KDM4B: variants seen among roughly 807,000 people sequenced by gnomAD.
KDM4B encodes the protein lysine-specific demethylase 4B.
A neutral mutation model predicts 125.2 loss-of-function variants in KDM4B; 32 were observed. The observed-to-expected ratio is 0.26, with a 90% CI of 0.19 to 0.34. The LOEUF is 0.34. Among genes scored for constraint, KDM4B ranks in the 10% least tolerant of loss-of-function variants. The probability of loss-of-function intolerance (pLI) is 1.00; values close to 1 mark genes in which losing one functional copy is unlikely to be tolerated. For synonymous variants in KDM4B, 721 were observed against 677.9 expected, an observed-to-expected ratio of 1.06 and a Z score of -0.99; for missense variants, 1,190 against 1,577.7, an observed-to-expected ratio of 0.75 and a Z score of 4.16.
chr19:5,126,760 G>A (rs1006032994), intron 11 of KDM4B, among the ~76,000 whole-genome samples: 5 of 152,256 alleles, frequency 3.3e-5, no homozygotes, highest in Admixed American at 2.6e-4. Flanking sequence ...CCGGCTGCGG[G>A]TTCAGCACGG....
At chr19:4,976,596 G>A (rs112220911) in intron 1 of KDM4B, among the ~76,000 whole-genome samples, 6,125 of 152,312 alleles carry the variant, frequency 0.04, 192 homozygotes, top group Non-Finnish European at 0.066. Context: ...TGTAAGCATC[G>A]GAACTCTCCT....
At chr19:5,015,134 CA>C (rs1402372978) in intron 1 of KDM4B, among the ~76,000 whole-genome samples, 2 of 152,170 alleles carry the variant, frequency 1.3e-5, no homozygotes, top group Admixed American at 1.3e-4. Context: ...AAGCAGAGGG[CA>C]GCCTGAGCTG....
intron 1 of KDM4B, among the ~76,000 whole-genome samples, chr19:4,987,485 G>C (rs1319463603): frequency 6.6e-6 from 1 of 152,258 alleles, no homozygotes; most frequent in East Asian, 1.9e-4. Flanking sequence ...GGCCGGAGGG[G>C]GGTTATCTCG....
At chr19:5,084,183 G>T (rs1439874306) in intron 9 of KDM4B, among the ~76,000 whole-genome samples, 1 of 151,420 alleles carries the variant, frequency 6.6e-6, no homozygotes, top group Non-Finnish European at 1.5e-5. Flanking sequence ...GGAGGTGGAG[G>T]TTGCAGTGAG....
intron 9 of KDM4B, among the ~76,000 whole-genome samples, chr19:5,088,687 G>T: frequency 7.7e-6 from 1 of 130,486 alleles, no homozygotes; most frequent in Admixed American, 9.8e-5. Flanking sequence ...CAAAAGAGCA[G>T]GTTGTGGTTA....
intron 9 of KDM4B, among the ~76,000 whole-genome samples, chr19:5,100,074 C>T (rs554330056): frequency 6.6e-6 from 1 of 152,342 alleles, no homozygotes; most frequent in Non-Finnish European, 1.5e-5. Context: ...CAAAGATGCT[C>T]CTCTGATTCC....
intron 5 of KDM4B, among the ~76,000 whole-genome samples, chr19:5,046,713 CTG>C (rs1053394045): frequency 2.6e-4 from 40 of 152,234 alleles, no homozygotes; most frequent in African/African-American, 9.4e-4. Context: ...GTTCTGAAAA[CTG>C]TCTTCGTCTC....
At chr19:5,041,515 G>A (rs111753786) in intron 5 of KDM4B, among the ~76,000 whole-genome samples, 8,801 of 152,260 alleles carry the variant, frequency 0.058, 285 homozygotes, top group Admixed American at 0.089. Flanking sequence ...CTCAGCAGCC[G>A]GCCCACAGCG....
Position 5,082,288 on chromosome 19 carries a change from T to C in KDM4B, c.781-79T>C. 3 of 1,570,806 alleles carry C rather than the reference T, an allele frequency of 1.9e-6. No individual in the cohort carries two copies. The South Asian group carries it at 3.4e-5, about 18-fold the overall frequency. ...GCTCATAAGCCAGGCTCCCTGGCAC[T>C]TGCTGGGAAGTGCCCACGTCCCATC... On this transcript the variant is annotated intron_variant, in intron 8 of 22. Transcript: ENST00000159111. The surrounding 1 kb of genome is among the most constrained non-coding windows in gnomAD (Gnocchi z 5.4).
Position 5,138,677 on chromosome 19 carries a change from A to G in KDM4B, c.2550+607A>G, listed in dbSNP as rs184127453. Among the ~76,000 whole-genome samples, 12 of 152,256 alleles carry G rather than the reference A, an allele frequency of 7.9e-5. No individual in the cohort carries two copies. In the East Asian group the frequency reaches 2.3e-3, roughly 29 times the overall value. On this transcript the variant is annotated intron_variant, in intron 18 of 22. Coordinates refer to ENST00000159111, the MANE Select transcript of KDM4B (RefSeq NM_015015.3). The stretch of plus-strand genomic sequence containing the variant: ...TCTCAAAAAAAAACAAACAATTGTA[A>G]CAATGCTTAGCGTGAGATCTGCCCT...
intron 10 of KDM4B, chr19:5,112,658 G>C (rs1214003136): frequency 6.6e-6 from 1 of 152,260 alleles, no homozygotes; most frequent in Non-Finnish European, 1.5e-5. Flanking sequence ...ACTCCTGGGC[G>C]GTCTGGGCAT....
chr19:5,001,999 T>C lies in KDM4B; in HGVS notation c.-108-14258T>C, dbSNP rs201876010. 7.1e-4 allele frequency among the ~76,000 whole-genome samples: 90 copies of C among 127,172 alleles called. 1 individual carries two copies. Among genetic ancestry groups the C allele is most frequent in the South Asian group, 6.1e-3 (23 of 3,782 alleles). The allele number at this position is 127,172 out of a possible 152,430, so 83.4% of individuals were successfully genotyped here. A position where few individuals can be genotyped will look rare whatever the true frequency, so the allele number is the denominator to read the frequency against. ...AAATATTTCCTTTGTGTTTTTTTTT[T>C]CTTTTTTTTTCTTTTTGAGACTGAA... On this transcript the variant is annotated intron_variant, in intron 1 of 22. Transcript: ENST00000159111.
Position 5,082,319 on chromosome 19 carries a change from G to T in KDM4B, c.781-48G>T. The T allele has an allele frequency of 6.2e-7, 1 of 1,610,582 alleles. No homozygotes were observed. ...GGAAGTGCCCACGTCCCATCCCCTG[G>T]TGCGCCTCTGGTGGCCCTGCCCTCA... On this transcript the variant is annotated intron_variant, in intron 8 of 22. Transcript: ENST00000159111. This position sits in a 1 kb window ranked among gnomAD's most constrained non-coding sequence, Gnocchi z 5.4.
At chr19:5,122,849 A>G (rs1249304272) in intron 11 of KDM4B, among the ~76,000 whole-genome samples, 1 of 152,136 alleles carries the variant, frequency 6.6e-6, no homozygotes, top group East Asian at 1.9e-4. Flanking sequence ...AGGTGGAAAC[A>G]CCCACCGTGC....
At position 5,114,115 on chromosome 19, in the gene KDM4B, T is replaced by C; in HGVS notation, c.1115+3297T>C. ...CTCCCGGTGGCGCTGTGCGTTCTGG[T>C]GCCCTGCCTGAGCCGGAGCCCTCAC... On this transcript the variant is annotated intron_variant, in intron 10 of 22. Transcript: ENST00000159111. The surrounding 1 kb of genome is among the most constrained non-coding windows in gnomAD (Gnocchi z 5.8). 1 of 1,289,358 alleles carries C rather than the reference T, an allele frequency of 7.8e-7. No individual in the cohort carries two copies. Among genetic ancestry groups the C allele is most frequent in the Non-Finnish European group, 1.0e-6 (1 of 988,698 alleles). The allele number at this position is 1,289,358 out of a possible 1,614,324, so 79.9% of individuals were successfully genotyped here.
intron 18 of KDM4B, among the ~76,000 whole-genome samples, chr19:5,139,058 G>A (rs1374516838): frequency 1.3e-5 from 2 of 152,086 alleles, no homozygotes; most frequent in Non-Finnish European, 2.9e-5. Flanking sequence ...GAGTAGCTGG[G>A]ACCACAAGCA....
chr19:5,064,911 T>G (rs1399793509), intron 6 of KDM4B, among the ~76,000 whole-genome samples: 2 of 152,188 alleles, frequency 1.3e-5, no homozygotes, highest in East Asian at 3.9e-4. Flanking sequence ...GTTTTCTGCC[T>G]GGTCTGAGAG....
chr19:5,118,997 C>G, intron 10 of KDM4B: 1 of 642,094 alleles, frequency 1.6e-6, no homozygotes, highest in South Asian at 1.9e-5. Flanking sequence ...CTCCCATGCA[C>G]CTCATGGGCT....
chr19:5,057,657 G>A (rs1290271682), intron 6 of KDM4B, among the ~76,000 whole-genome samples: 2 of 152,112 alleles, frequency 1.3e-5, no homozygotes, highest in Non-Finnish European at 2.9e-5. Flanking sequence ...GTTCACGGAC[G>A]AGGCACAGAT....
Sources: gnomAD v4.1 joint callset for allele counts (sites outside exome capture counted in the v4.1 genomes callset) on GRCh38, gnomAD v4.1.1 for gene constraint, Gnocchi (gnomAD v3.1) non-coding constraint, MANE v1.5 for transcripts, NCBI Gene and HGNC (gene_info 2026-07-23, HGNC 2026-07-21) for gene names.